The following TMEM41B variants were observed in gnomAD, a reference collection of about 807,000 sequenced individuals.
TMEM41B encodes transmembrane protein 41B, also known as protein stasimon.
A neutral mutation model predicts 31.9 loss-of-function variants in TMEM41B; 18 were observed. The ratio of observed to expected loss-of-function variants is 0.56; its 90% CI spans 0.39 to 0.84. The LOEUF (loss-of-function observed/expected upper bound fraction) is 0.84. TMEM41B is among the 40% of genes least tolerant of loss of function. The pLI, the probability that TMEM41B is intolerant of heterozygous loss-of-function variation, is 0.00. For synonymous variants in TMEM41B, 144 were observed against 124.3 expected (o/e 1.16, Z -1.05); for missense variants, 322 against 348.0 (o/e 0.93, Z 0.59).
At chr11:9,293,664 C>T (rs1853009273) in intron 3 of TMEM41B, among the ~76,000 whole-genome samples, 1 of 152,156 alleles carries the variant, frequency 6.6e-6, no homozygotes, top group Non-Finnish European at 1.5e-5. Flanking sequence ...TCACTGCAAC[C>T]TCCACCTCCT....
At chr11:9,288,281 G>C (rs1034151285) in intron 4 of TMEM41B, among the ~76,000 whole-genome samples, 161 bp downstream of exon 4, 2 of 152,116 alleles carry the variant, frequency 1.3e-5, no homozygotes, top group African/African-American at 2.4e-5. Context: ...TGTTCTGGGG[G>C]AAAAACAAAT....
In TMEM41B at chr11:9,306,448, C is replaced by T. The variant is rs563974584; in HGVS notation, c.122-6747G>A. Reference sequence around the variant, plus strand: ...CTGTAATCCCAGCACTTTGGGAGGTCGAGGCGGTCGGATCATGAGGTCAGG... The same window carrying T: ...CTGTAATCCCAGCACTTTGGGAGGTTGAGGCGGTCGGATCATGAGGTCAGG... On this transcript the variant is annotated intron_variant, in intron 1 of 6. Transcript: ENST00000528080. Among the ~76,000 whole-genome samples, 4 of 151,988 alleles carry T rather than the reference C, an allele frequency of 2.6e-5. No homozygotes were observed. In the South Asian group the frequency reaches 6.2e-4, roughly 24 times the overall value.
rs796088137 is a variant in TMEM41B at position 9,298,045 on chromosome 11, C to T, written c.239+1539G>A. On this transcript the variant is annotated intron_variant, in intron 2 of 6. Transcript: ENST00000528080. ...TGCCACTACACTTCAGCCTGGGTAA[C>T]AGAGCAAGACCCTGCCTCAAAAAAA... is the stretch of plus-strand genomic sequence containing the variant. 1.4e-4 allele frequency among the ~76,000 whole-genome samples: 15 copies of T among 105,334 alleles called. 1 individual carries two copies. Among genetic ancestry groups the T allele is most frequent in the African/African-American group, 5.8e-4 (15 of 25,966 alleles). The allele number at this position is 105,334 out of a possible 152,430, so 69.1% of individuals were successfully genotyped here.
chr11:9,311,795 C>A, intron 1 of TMEM41B: 1 of 564,932 alleles, frequency 1.8e-6, no homozygotes. Flanking sequence ...CTTCATCATG[C>A]AAAAATTAGA....
chr11:9,290,237 C>T (rs539955597), intron 3 of TMEM41B, among the ~76,000 whole-genome samples: 2 of 152,038 alleles, frequency 1.3e-5, no homozygotes, highest in African/African-American at 2.4e-5. Context: ...ACTAGCCGGG[C>T]GTGGTGGTGG....
rs1384292143 is a variant in TMEM41B, at chr11:9,302,422, T to C, written c.122-2721A>G. ...AGATGAGCTTCATTTTTATCCCTTG[T>C]CTCACTACAACAATTGGCATTAGTA... On this transcript the variant is annotated intron_variant, in intron 1 of 6. Coordinates refer to ENST00000528080, the MANE Select transcript of TMEM41B (RefSeq NM_015012.4). 2.0e-5 allele frequency among the ~76,000 whole-genome samples: 2 copies of C among 100,570 alleles called. 1 individual carries two copies. Among genetic ancestry groups the C allele is most frequent in the Non-Finnish European group, 4.3e-5 (2 of 46,814 alleles). 66.0% of individuals were successfully genotyped at this position (100,570 alleles called of 152,430 possible).
chr11:9,289,971 G>A (rs1230436358), intron 3 of TMEM41B, among the ~76,000 whole-genome samples: 1 of 151,876 alleles, frequency 6.6e-6, no homozygotes, highest in Non-Finnish European at 1.5e-5. Context: ...CTAAAAACTC[G>A]AAATTCTCTT....
chr11:9,306,916 A>G (rs193021677), intron 1 of TMEM41B, among the ~76,000 whole-genome samples: 2 of 152,322 alleles, frequency 1.3e-5, no homozygotes, highest in African/African-American at 4.8e-5. Flanking sequence ...ATTTGTTCAC[A>G]AAATTATCTT....
At chr11:9,290,730 C>T (rs145676187) in intron 3 of TMEM41B, among the ~76,000 whole-genome samples, 1,792 of 152,096 alleles carry the variant, frequency 0.012, 52 homozygotes, top group Admixed American at 0.054. Context: ...AAATTTGGTG[C>T]AATTCCTACT....
intron 2 of TMEM41B, among the ~76,000 whole-genome samples, chr11:9,299,382 C>T (rs1853189540): frequency 7.2e-6 from 1 of 139,060 alleles, no homozygotes; most frequent in South Asian, 2.5e-4. Flanking sequence ...TACATATACA[C>T]ACACACATAT....
chr11:9,295,147 A>G, intron 3 of TMEM41B, 112 bp downstream of exon 3: 1 of 1,150,488 alleles, frequency 8.7e-7, no homozygotes, highest in Non-Finnish European at 1.1e-6. Context: ...TAATATTGTC[A>G]CACTGCAATA....
chr11:9,291,056 T>C (rs995389639), intron 3 of TMEM41B, among the ~76,000 whole-genome samples: 1 of 151,948 alleles, frequency 6.6e-6, no homozygotes. Context: ...GCAGACGTTG[T>C]AGTGAGCCGA....
chr11:9,307,643 T>A (rs1389644420), intron 1 of TMEM41B, among the ~76,000 whole-genome samples: 2 of 151,718 alleles, frequency 1.3e-5, no homozygotes, highest in South Asian at 2.1e-4. Flanking sequence ...GGTTTCTCCA[T>A]GTTGGTCAGG....
At chr11:9,314,232 G>A (rs2133660577) in intron 1 of TMEM41B, 89 bp downstream of exon 1, 5 of 1,415,320 alleles carry the variant, frequency 3.5e-6, no homozygotes, top group Non-Finnish European at 3.7e-6. Flanking sequence ...CTTTCCCCGC[G>A]ACTCTCCGAG....
intron 1 of TMEM41B, among the ~76,000 whole-genome samples, chr11:9,304,693 C>CT (rs1246072325): frequency 6.6e-6 from 1 of 151,268 alleles, no homozygotes; most frequent in East Asian, 1.9e-4. Flanking sequence ...GAGTCTCACT[C>CT]TGTCACCAGC....
rs1184869167 is a variant in TMEM41B, at chr11:9,283,332, A to C, written c.*92T>G. 1.1e-5 allele frequency: 11 copies of C among 968,446 alleles called. No homozygotes were observed. Among genetic ancestry groups the C allele is most frequent in the Non-Finnish European group, 1.6e-5 (11 of 668,094 alleles). The allele number at this position is 968,446 out of a possible 1,614,324, so 60.0% of individuals were successfully genotyped here. A position where few individuals can be genotyped will look rare whatever the true frequency, so the allele number is the denominator to read the frequency against. On this transcript the variant is annotated 3_prime_UTR_variant, in exon 7 of 7. Transcript: ENST00000528080. ...TTTTATTTTACAAATTCCTTGTTTA[A>C]TTACTGAAGAGGTGATTTTAAAACA...
In TMEM41B at chr11:9,283,524, T is replaced by C. The variant is rs1852768489; in HGVS notation, c.776A>G (p.Glu259Gly). The change falls in exon 7 of 7, where the codon GAA becomes GGA. Residue 259 changes from glutamate (E) to glycine (G), a missense_variant. By Grantham distance (98) the Glu-to-Gly change is moderately conservative. Transcript: ENST00000528080. ...AAATATTGAGTTCCAGGAAACAGCTTCTCCTGCTGTTGTAAGTTGATACAG... is the reference window on the plus strand; with the variant it reads ...AAATATTGAGTTCCAGGAAACAGCTCCTCCTGCTGTTGTAAGTTGATACAG... ...TTLYQLTTAG[E>G]AVSWNSIFIL... The C allele has an allele frequency of 6.2e-7, 1 of 1,613,290 alleles. No individual in the cohort carries two copies. Among genetic ancestry groups the C allele is most frequent in the East Asian group, 2.2e-5 (1 of 44,814 alleles).
rs553834043 is a variant in TMEM41B, at chr11:9,307,772, G to C, written c.121+6549C>G. Among the ~76,000 whole-genome samples, 3 of 151,066 alleles carry C rather than the reference G, an allele frequency of 2.0e-5. No homozygotes were observed. In the East Asian group the frequency reaches 5.9e-4, roughly 30 times the overall value. The stretch of plus-strand genomic sequence containing the variant: ...AATCATTTTTTTAATTTTATTTCGA[G>C]TCTTGCTCTGTCACCCAGGCTGGAG... On this transcript the variant is annotated intron_variant, in intron 1 of 6. Transcript: ENST00000528080.
intron 1 of TMEM41B, among the ~76,000 whole-genome samples, chr11:9,307,836 C>T (rs1180518242): frequency 5.3e-5 from 8 of 152,020 alleles, no homozygotes. Flanking sequence ...AGCTCCGCCT[C>T]CCAGGTTCAC....
Sources: allele counts gnomAD v4.1 joint callset (sites outside exome capture counted in the v4.1 genomes callset), GRCh38; gene constraint gnomAD v4.1.1; transcripts MANE v1.5; gene names NCBI Gene and HGNC (gene_info 2026-07-23, HGNC 2026-07-21).